The following WDPCP variants were observed in gnomAD, a reference collection of about 807,000 sequenced individuals.
WDPCP encodes the protein WD repeat-containing and planar cell polarity effector protein fritz homolog.
Under a neutral mutation model 93.1 loss-of-function variants are expected in WDPCP, and 71 were observed. The ratio of observed to expected loss-of-function variants is 0.76; its 90% CI spans 0.63 to 0.93. WDPCP has a LOEUF of 0.93. Among genes scored for constraint, WDPCP ranks in the 40% least tolerant of loss-of-function variants. The probability of loss-of-function intolerance (pLI) is 0.00; values close to 1 mark genes in which losing one functional copy is unlikely to be tolerated. For missense variants in WDPCP, 844 were observed against 887.4 expected (o/e 0.95, Z 0.62); for synonymous variants, 315 against 315.0 (o/e 1.00, Z 0.00).
chr2:63,755,994 A>G (rs540473591), intron 2 of WDPCP, among the ~76,000 whole-genome samples: 2 of 152,376 alleles, frequency 1.3e-5, no homozygotes, highest in Middle Eastern at 3.4e-3. Flanking sequence ...AGAAGATTAA[A>G]TATTGAACCA....
At chr2:63,782,904 T>C (rs1670416252) in intron 2 of WDPCP, among the ~76,000 whole-genome samples, 1 of 152,090 alleles carries the variant, frequency 6.6e-6, no homozygotes, top group Non-Finnish European at 1.5e-5. Flanking sequence ...TCCTTTCCAG[T>C]GTTAATTCAT....
chr2:63,811,035 C>A (rs1670854652), intron 2 of WDPCP, among the ~76,000 whole-genome samples: 1 of 152,194 alleles, frequency 6.6e-6, no homozygotes, highest in Non-Finnish European at 1.5e-5. Flanking sequence ...AAAATACTAA[C>A]TCATAAACAC....
intron 1 of WDPCP, among the ~76,000 whole-genome samples, chr2:63,533,308 A>C (rs945041726): frequency 1.3e-5 from 2 of 152,192 alleles, no homozygotes; most frequent in Admixed American, 1.3e-4. Context: ...GATGAGACAG[A>C]AAGTTAACAA....
At chr2:63,834,665 T>TA in the WDPCP span, among the ~76,000 whole-genome samples, 5 of 152,170 alleles carry the variant, frequency 3.3e-5, no homozygotes, top group Admixed American at 6.5e-5. Flanking sequence ...GAGTGGATGA[T>TA]AAAAAAACAT....
chr2:63,337,986 GA>G (rs1322681502), intron 12 of WDPCP, among the ~76,000 whole-genome samples: 1 of 152,108 alleles, frequency 6.6e-6, no homozygotes, highest in Non-Finnish European at 1.5e-5. Context: ...TTGCTATGCA[GA>G]AACTTTTTTG....
intron 1 of WDPCP, among the ~76,000 whole-genome samples, chr2:63,498,859 A>C (rs1046508689): frequency 6.6e-6 from 1 of 152,218 alleles, no homozygotes; most frequent in African/African-American, 2.4e-5. Flanking sequence ...CATCCATAAG[A>C]CATTTAACAT....
intron 3 of WDPCP, chr2:63,605,507 C>G: frequency 1.3e-6 from 1 of 746,928 alleles, no homozygotes; most frequent in Non-Finnish European, 2.2e-6. Flanking sequence ...TTTCTCAGCT[C>G]AGCTGCCTAT....
chr2:63,498,936 C>T (rs1701384683), intron 1 of WDPCP, among the ~76,000 whole-genome samples: 1 of 152,310 alleles, frequency 6.6e-6, no homozygotes. Flanking sequence ...CTTGGACTAA[C>T]CTATTGTACC....
chr2:63,154,333 G>T (rs1047250362), intron 15 of WDPCP, among the ~76,000 whole-genome samples: 2 of 151,844 alleles, frequency 1.3e-5, no homozygotes, highest in African/African-American at 2.4e-5. Context: ...TATACACCCT[G>T]GCAACCACAG....
rs1413658439 is a variant in WDPCP at position 63,173,565 on chromosome 2, T to C, written c.2078+1105A>G. Among the ~76,000 whole-genome samples the C allele has an allele frequency of 2.0e-5, 3 of 152,190 alleles. No individual in the cohort carries two copies. The East Asian group carries it at 5.8e-4, about 29-fold the overall frequency. ...ATTAGTTTGGGGATGGGCAGGAGGA[T>C]GGAAGCAGCTACAGGCAAGAAAATA... On this transcript the variant is annotated intron_variant, in intron 15 of 17. Transcript: ENST00000272321.
intron 6 of WDPCP, among the ~76,000 whole-genome samples, chr2:63,456,908 A>G (rs1169711603): frequency 6.6e-6 from 1 of 152,184 alleles, no homozygotes; most frequent in Admixed American, 6.5e-5. Context: ...GCTACTAGGG[A>G]GGCTGAGGCA....
At chr2:63,571,713 C>T in intron 1 of WDPCP, 1 of 450,882 alleles carries the variant, frequency 2.2e-6, no homozygotes, top group Non-Finnish European at 4.5e-6. Flanking sequence ...TTTAAATATT[C>T]AAACATTCTT....
At chr2:63,181,222 T>C (rs912315276) in intron 14 of WDPCP, among the ~76,000 whole-genome samples, 1 of 152,136 alleles carries the variant, frequency 6.6e-6, no homozygotes, top group African/African-American at 2.4e-5. Flanking sequence ...TGTCTATTTG[T>C]GTTTTTGTTG....
At chr2:63,292,233 A>G (rs565003913) in intron 13 of WDPCP, among the ~76,000 whole-genome samples, 22 of 152,196 alleles carry the variant, frequency 1.4e-4, no homozygotes, top group Admixed American at 8.5e-4. Flanking sequence ...TTTAGTCTCC[A>G]TAATGAATTT....
chr2:63,402,136 A>T (rs1694197505), intron 10 of WDPCP, among the ~76,000 whole-genome samples: 1 of 152,248 alleles, frequency 6.6e-6, no homozygotes, highest in Non-Finnish European at 1.5e-5. Flanking sequence ...CTATGAAGCC[A>T]TAAAAAAGAA....
chr2:63,628,685 T>C (rs1245362281), intron 3 of WDPCP, among the ~76,000 whole-genome samples: 1 of 152,218 alleles, frequency 6.6e-6, no homozygotes, highest in Non-Finnish European at 1.5e-5. Flanking sequence ...CAATTTGACA[T>C]CTTGGTATGT....
At chr2:63,389,495 C>G (rs1410859381) in intron 10 of WDPCP, among the ~76,000 whole-genome samples, 1 of 152,094 alleles carries the variant, frequency 6.6e-6, no homozygotes, top group Non-Finnish European at 1.5e-5. Context: ...CATCCATTAA[C>G]AGGCAAAATA....
chr2:63,520,618 G>C (rs943796237), intron 1 of WDPCP, among the ~76,000 whole-genome samples: 4 of 152,122 alleles, frequency 2.6e-5, no homozygotes, highest in African/African-American at 4.8e-5. Flanking sequence ...TCATCCAGGC[G>C]TGATGGCTCA....
At chr2:63,664,748 T>C (rs1710264734) in intron 2 of WDPCP, among the ~76,000 whole-genome samples, 1 of 152,164 alleles carries the variant, frequency 6.6e-6, no homozygotes, top group Admixed American at 6.5e-5. Context: ...AAGATAATAA[T>C]TATAGCAAGT....
Sources: gnomAD v4.1 joint callset for allele counts (sites outside exome capture counted in the v4.1 genomes callset) on GRCh38, gnomAD v4.1.1 for gene constraint, MANE v1.5 for transcripts, NCBI Gene and HGNC (gene_info 2026-07-23, HGNC 2026-07-21) for gene names.